Variants in MEIS1 observed in about 807,000 individuals in gnomAD.
MEIS1 encodes Meis homeobox 1.
MEIS1 carries 5 observed loss-of-function variants against 50.8 expected under a neutral mutation model. That is an observed-to-expected ratio of 0.10 (90% CI 0.05 to 0.21). MEIS1 has a LOEUF of 0.21. Ranked by LOEUF, MEIS1 falls within the 10% of genes least tolerant of loss-of-function variation. The pLI, the probability that MEIS1 is intolerant of heterozygous loss-of-function variation, is 1.00. For synonymous variants in MEIS1, 176 were observed against 179.3 expected (o/e 0.98, Z 0.15); for missense variants, 318 against 517.3 (o/e 0.61, Z 3.74).
At chr2:66,440,322 C>T (rs1671937593) in intron 3 of MEIS1, 4 of 599,558 alleles carry the variant, frequency 6.7e-6, no homozygotes, top group South Asian at 2.1e-5. Context: ...GCAGCCTCCC[C>T]GAGAGCCGTA....
rs1046510694 is a variant in MEIS1, at chr2:66,448,935, C to T, written c.630+5887C>T. On this transcript the variant is annotated intron_variant, in intron 6 of 12. Coordinates refer to ENST00000272369, the MANE Select transcript of MEIS1 (RefSeq NM_002398.3). ...GTTACACAGTCTTAAATGTTTGCAACTGTAGCATTTTACATGGCCTTTTGT... is the reference window on the plus strand; with the variant it reads ...GTTACACAGTCTTAAATGTTTGCAATTGTAGCATTTTACATGGCCTTTTGT... Among the ~76,000 whole-genome samples the T allele has an allele frequency of 4.6e-5, 7 of 152,198 alleles. No individual in the cohort carries two copies. The South Asian group carries it at 1.5e-3, about 32-fold the overall frequency.
intron 8 of MEIS1, among the ~76,000 whole-genome samples, chr2:66,528,277 G>A (rs1169457287): frequency 1.3e-5 from 2 of 152,102 alleles, no homozygotes; most frequent in Non-Finnish European, 1.5e-5. Context: ...ACCTAGAGAA[G>A]GAGAGACGAA....
intron 7 of MEIS1, among the ~76,000 whole-genome samples, chr2:66,484,257 C>T (rs1012055027): frequency 2.0e-5 from 3 of 152,122 alleles, no homozygotes; most frequent in African/African-American, 7.2e-5. Context: ...CCAAATGACT[C>T]GAAGGTGCTG....
intron 12 of MEIS1, chr2:66,570,481 G>A (rs1675458182): frequency 6.6e-6 from 1 of 152,278 alleles, no homozygotes; most frequent in Admixed American, 6.5e-5. Flanking sequence ...TTAGAGCCTG[G>A]AGACCTTATT....
chr2:66,467,872 A>AAT (rs1234493977), intron 7 of MEIS1, among the ~76,000 whole-genome samples: 1 of 152,120 alleles, frequency 6.6e-6, no homozygotes, highest in East Asian at 1.9e-4. Context: ...AGGGCCTCAC[A>AAT]TCTGTGTTTG....
At chr2:66,513,551 C>T (rs1402740568) in intron 8 of MEIS1, among the ~76,000 whole-genome samples, 1 of 151,688 alleles carries the variant, frequency 6.6e-6, no homozygotes, top group Admixed American at 6.6e-5. Flanking sequence ...TCCAGATTTT[C>T]CAGCATCAGT....
intron 4 of MEIS1, chr2:66,440,844 T>G (rs76545778): frequency 1.8e-6 from 1 of 564,460 alleles, no homozygotes; most frequent in South Asian, 2.4e-5. Context: ...CGAGCTTTTG[T>G]TTTTTATGAC....
At chr2:66,561,416 C>T (rs181050459) in intron 9 of MEIS1, among the ~76,000 whole-genome samples, 1,561 of 152,068 alleles carry the variant, frequency 0.01, 15 homozygotes, top group Middle Eastern at 0.034. Flanking sequence ...GGTTTAAATT[C>T]TAAAATTTGA....
intron 8 of MEIS1, among the ~76,000 whole-genome samples, chr2:66,532,948 A>G (rs1674430317): frequency 6.6e-6 from 1 of 152,186 alleles, no homozygotes; most frequent in African/African-American, 2.4e-5. Flanking sequence ...AGTTTTTTTT[A>G]TCCAAAATCC....
intron 3 of MEIS1, 84 bp downstream of exon 3, chr2:66,440,068 AACACACAC>A (rs9309387): frequency 6.4e-6 from 5 of 777,638 alleles, no homozygotes; most frequent in Middle Eastern, 3.8e-4. Context: ...CGCGCGCGCG[AACACACAC>A]ACACACACAC....
intron 7 of MEIS1, among the ~76,000 whole-genome samples, chr2:66,485,862 T>G (rs1047037745): frequency 3.9e-5 from 6 of 152,220 alleles, no homozygotes; most frequent in African/African-American, 1.4e-4. Flanking sequence ...GATGATGAGC[T>G]TTTTTCATAT....
chr2:66,526,921 C>T (rs4480973), intron 8 of MEIS1, among the ~76,000 whole-genome samples: 7 of 151,946 alleles, frequency 4.6e-5, no homozygotes, highest in Admixed American at 2.6e-4. Context: ...GAAGTGAAAA[C>T]ATCATCAATT....
chr2:66,564,771 G>A lies in MEIS1; in HGVS notation c.966-2682G>A, dbSNP rs373646069. Among the ~76,000 whole-genome samples the A allele has an allele frequency of 1.2e-4, 18 of 150,946 alleles. No individual in the cohort carries two copies. The South Asian group carries it at 2.1e-3, about 18-fold the overall frequency. ...AAGTTCTAGGGTACATGTGCACAACGTGCAGGTTTGTTACATATGTATACA... is the reference window on the plus strand; with the variant it reads ...AAGTTCTAGGGTACATGTGCACAACATGCAGGTTTGTTACATATGTATACA... On this transcript the variant is annotated intron_variant, in intron 9 of 12. Coordinates refer to ENST00000272369, the MANE Select transcript of MEIS1 (RefSeq NM_002398.3).
At chr2:66,440,908 C>T in intron 4 of MEIS1, 1 of 477,178 alleles carries the variant, frequency 2.1e-6, no homozygotes, top group South Asian at 3.7e-5. Context: ...GGCCTGTCAG[C>T]ATGTGTGCTT....
chr2:66,460,316 T>C (rs1558526593), intron 6 of MEIS1, among the ~76,000 whole-genome samples: 1 of 152,186 alleles, frequency 6.6e-6, no homozygotes, highest in African/African-American at 2.4e-5. Context: ...TCATTCTTTC[T>C]ATTTTACTAC....
At chr2:66,443,326 T>G (rs1410229876) in intron 6 of MEIS1, 1 of 378,718 alleles carries the variant, frequency 2.6e-6, no homozygotes, top group Non-Finnish European at 4.7e-6. Context: ...TTATTTACCC[T>G]CTATAATAAT....
chr2:66,471,526 G>A lies in MEIS1; in HGVS notation c.742+7306G>A, dbSNP rs182442809. Among the ~76,000 whole-genome samples, 1,180 of 152,266 alleles carry A rather than the reference G, an allele frequency of 7.7e-3. 9 individuals carry two copies. Among genetic ancestry groups the A allele is most frequent in the Non-Finnish European group, 0.013 (863 of 68,012 alleles). On this transcript the variant is annotated intron_variant, in intron 7 of 12. Coordinates refer to ENST00000272369, the MANE Select transcript of MEIS1 (RefSeq NM_002398.3). ...TTTTAAGAAATACCAACTCCGGTGTGACTTGTAGCACATCTAAAATTATAC... is the reference window on the plus strand; with the variant it reads ...TTTTAAGAAATACCAACTCCGGTGTAACTTGTAGCACATCTAAAATTATAC...
chr2:66,508,375 G>T (rs75647122), intron 7 of MEIS1, among the ~76,000 whole-genome samples: 2,534 of 152,238 alleles, frequency 0.017, 71 homozygotes, highest in African/African-American at 0.058. Flanking sequence ...TCCGATAATC[G>T]TATCAAAGCA....
intron 9 of MEIS1, among the ~76,000 whole-genome samples, chr2:66,559,123 CAGAGAGAGAGAG>C (rs58790798): frequency 1.4e-5 from 2 of 147,966 alleles, no homozygotes; most frequent in South Asian, 4.3e-4. Flanking sequence ...GCCTGGGTGA[CAGAGAGAGAGAG>C]AGAGAGAGAG....
Sources: allele counts gnomAD v4.1 joint callset (sites outside exome capture counted in the v4.1 genomes callset), GRCh38; gene constraint gnomAD v4.1.1; transcripts MANE v1.5; gene names NCBI Gene and HGNC (gene_info 2026-07-23, HGNC 2026-07-21).